CTNNA2: variants seen among roughly 807,000 people sequenced by gnomAD.
CTNNA2 encodes the protein catenin alpha-2.
In CTNNA2, 42 loss-of-function variants were observed where a neutral mutation model predicts 101.0. The ratio of observed to expected loss-of-function variants is 0.42; its 90% CI spans 0.32 to 0.54. The LOEUF is 0.54. Among genes scored for constraint, CTNNA2 ranks in the 20% least tolerant of loss-of-function variants. CTNNA2 has a pLI of 0.14. For synonymous variants in CTNNA2, 450 were observed against 456.4 expected (o/e 0.99, Z 0.18); for missense variants, 871 against 1,223.1 (o/e 0.71, Z 4.29).
At chr2:79,842,121 A>G (rs1487317874) in intron 3 of CTNNA2, among the ~76,000 whole-genome samples, 2 of 152,230 alleles carry the variant, frequency 1.3e-5, no homozygotes, top group African/African-American at 4.8e-5. Flanking sequence ...TCAAAAATAA[A>G]GCCACAAAGT....
At chr2:79,638,484 G>A (rs1680230059) in intron 1 of CTNNA2, among the ~76,000 whole-genome samples, 1 of 152,138 alleles carries the variant, frequency 6.6e-6, no homozygotes, top group Admixed American at 6.5e-5. Flanking sequence ...AGACTTCTAG[G>A]CAAATATAAT....
chr2:80,111,801 T>C (rs1198472886), intron 7 of CTNNA2, among the ~76,000 whole-genome samples: 1 of 152,208 alleles, frequency 6.6e-6, no homozygotes, highest in Non-Finnish European at 1.5e-5. Context: ...GTACTAGGAT[T>C]ATAGGCATGA....
chr2:79,699,809 AC>A (rs1178519774), intron 2 of CTNNA2, among the ~76,000 whole-genome samples: 5 of 147,058 alleles, frequency 3.4e-5, no homozygotes, highest in African/African-American at 7.5e-5. Context: ...ACACACACAC[AC>A]ACACACACAC....
At chr2:80,045,913 C>T (rs562404560) in intron 7 of CTNNA2, among the ~76,000 whole-genome samples, 3 of 152,078 alleles carry the variant, frequency 2.0e-5, no homozygotes, top group Non-Finnish European at 2.9e-5. Context: ...TTGTGGCTGC[C>T]GAAGCGGGTT....
intron 3 of CTNNA2, among the ~76,000 whole-genome samples, chr2:79,353,520 A>T (rs192044038): frequency 6.6e-6 from 1 of 152,250 alleles, no homozygotes; most frequent in Admixed American, 6.5e-5. Flanking sequence ...ATTTGCATAT[A>T]AGATCTTTCT....
At chr2:79,418,975 T>C (rs904527625) in intron 4 of CTNNA2, among the ~76,000 whole-genome samples, 1 of 152,152 alleles carries the variant, frequency 6.6e-6, no homozygotes, top group African/African-American at 2.4e-5. Flanking sequence ...AGGCATACCA[T>C]CCTAGGCAAG....
chr2:80,365,796 G>T lies in CTNNA2; in HGVS notation c.1057-27415G>T, dbSNP rs75806043. Among the ~76,000 whole-genome samples the T allele has an allele frequency of 3.5e-3, 528 of 152,256 alleles. 5 individuals carry two copies. The highest frequency in any genetic ancestry group is 0.012 in the African/African-American group (501 of 41,552). On this transcript the variant is annotated intron_variant, in intron 7 of 18. Coordinates refer to ENST00000402739, the MANE Select transcript of CTNNA2 (RefSeq NM_001282597.3). ...TTAGATAAAAAGATTTTTGCAATCA[G>T]ACTGTGTTTGTAATGGCATTTATAA...
intron 9 of CTNNA2, among the ~76,000 whole-genome samples, chr2:80,530,597 G>T (rs1690454290): frequency 6.6e-6 from 1 of 152,198 alleles, no homozygotes; most frequent in Non-Finnish European, 1.5e-5. Context: ...CTTGAAGCAG[G>T]TGTCAGGAAC....
At chr2:80,614,963 C>T (rs945487524) in intron 17 of CTNNA2, among the ~76,000 whole-genome samples, 2 of 147,446 alleles carry the variant, frequency 1.4e-5, no homozygotes, top group African/African-American at 2.6e-5. Flanking sequence ...GAATTGGTTA[C>T]TTAAATGCAT....
chr2:80,604,452 A>ACGGATTGTCC (rs1387588142), intron 16 of CTNNA2, among the ~76,000 whole-genome samples: 16 of 152,050 alleles, frequency 1.1e-4, no homozygotes, highest in Admixed American at 3.3e-4. Flanking sequence ...CTGAAGAGTC[A>ACGGATTGTCC]CGGATTGTCC....
chr2:80,295,735 A>G (rs965184464), intron 7 of CTNNA2, among the ~76,000 whole-genome samples: 1 of 152,214 alleles, frequency 6.6e-6, no homozygotes, highest in Non-Finnish European at 1.5e-5. Context: ...TGACAGTACT[A>G]TGTCTAAAGA....
chr2:80,299,631 C>T (rs1263063486), intron 7 of CTNNA2: 1 of 152,130 alleles, frequency 6.6e-6, no homozygotes, highest in Non-Finnish European at 1.5e-5. Flanking sequence ...TAATCATGGG[C>T]AGGGTGGGAG....
intron 11 of CTNNA2, among the ~76,000 whole-genome samples, chr2:80,551,411 G>GT (rs1692545222): frequency 6.6e-6 from 1 of 152,204 alleles, no homozygotes; most frequent in Admixed American, 6.5e-5. Flanking sequence ...AGCTATGAAA[G>GT]TTGTAAATGG....
chr2:80,389,341 G>A (rs1677291904), intron 7 of CTNNA2, among the ~76,000 whole-genome samples: 1 of 152,004 alleles, frequency 6.6e-6, no homozygotes, highest in African/African-American at 2.4e-5. Flanking sequence ...AAAAAAATGG[G>A]GTAAATGGTT....
chr2:79,290,305 G>A (rs1214945778), intron 2 of CTNNA2, among the ~76,000 whole-genome samples: 2 of 152,118 alleles, frequency 1.3e-5, no homozygotes, highest in Non-Finnish European at 2.9e-5. Context: ...GAGCACAGAA[G>A]CCCCTGGAGC....
chr2:80,393,058 A>C (rs1159502520), intron 7 of CTNNA2, among the ~76,000 whole-genome samples, 153 bp from the exon 8 acceptor site: 1 of 152,208 alleles, frequency 6.6e-6, no homozygotes, highest in Admixed American at 6.5e-5. Flanking sequence ...AACCAACTTT[A>C]GAGACCAAAT....
intron 7 of CTNNA2, among the ~76,000 whole-genome samples, chr2:79,936,125 G>A (rs1057278531): frequency 2.0e-5 from 3 of 152,026 alleles, no homozygotes; most frequent in African/African-American, 7.2e-5. Context: ...GCTCTATTTA[G>A]TGTATTCTAA....
chr2:79,674,347 G>A (rs541589880), intron 2 of CTNNA2, among the ~76,000 whole-genome samples: 1 of 152,274 alleles, frequency 6.6e-6, no homozygotes, highest in South Asian at 2.1e-4. Context: ...CTGTGTTACA[G>A]ACCCCTGTCA....
intron 7 of CTNNA2, among the ~76,000 whole-genome samples, chr2:79,972,721 G>C (rs767253206): frequency 6.6e-6 from 1 of 152,208 alleles, no homozygotes; most frequent in South Asian, 2.1e-4. Context: ...ATTTAGGGAA[G>C]TGGATCTTCA....
Sources: gnomAD v4.1 joint callset for allele counts (sites outside exome capture counted in the v4.1 genomes callset) on GRCh38, gnomAD v4.1.1 for gene constraint, MANE v1.5 for transcripts, NCBI Gene and HGNC (gene_info 2026-07-23, HGNC 2026-07-21) for gene names.